SLC5A10: variants seen among roughly 807,000 people sequenced by gnomAD.
The protein encoded by SLC5A10 is sodium/mannose cotransporter SLC5A10.
In SLC5A10, 55 loss-of-function variants were observed where a neutral mutation model predicts 68.9. That is an observed-to-expected ratio of 0.80 (90% CI 0.64 to 1.00). The LOEUF is 1.00. SLC5A10 is among the 50% of genes least tolerant of loss of function. SLC5A10 has a pLI of 0.00. For synonymous variants in SLC5A10, 344 were observed against 344.8 expected, an observed-to-expected ratio of 1.00 and a Z score of 0.02; for missense variants, 732 against 819.3, an observed-to-expected ratio of 0.89 and a Z score of 1.30.
intron 2 of SLC5A10, 109 bp downstream of exon 2, chr17:18,958,862 A>C: frequency 7.6e-7 from 1 of 1,319,204 alleles, no homozygotes; most frequent in South Asian, 1.3e-5. Context: ...TCAGTGGAGC[A>C]GGCCGGAGGC....
At chr17:18,991,853 C>T (rs573471220) in intron 9 of SLC5A10, among the ~76,000 whole-genome samples, 2 of 152,298 alleles carry the variant, frequency 1.3e-5, no homozygotes, top group East Asian at 3.9e-4. Context: ...CTTGAGGCCT[C>T]GAAGATGCAG....
At chr17:18,952,716 C>T (rs183945298) in intron 1 of SLC5A10, among the ~76,000 whole-genome samples, 5 of 151,094 alleles carry the variant, frequency 3.3e-5, no homozygotes, top group African/African-American at 9.7e-5. Context: ...GATCAGAATC[C>T]GGAGGCAGGG....
chr17:18,975,062 A>G (rs1353922771), intron 8 of SLC5A10, among the ~76,000 whole-genome samples: 1 of 152,216 alleles, frequency 6.6e-6, no homozygotes, highest in Non-Finnish European at 1.5e-5. Flanking sequence ...TGACATGAGC[A>G]CAGATTGGAA....
In SLC5A10 at chr17:19,008,821, T is replaced by A. The variant is rs1211693471; in HGVS notation, c.983-4589T>A. ...GCATTATTATTATTATTATTTTTTT[T>A]TTTTTTTTTGAGATAGCGTCTTGCT... On this transcript the variant is annotated intron_variant, in intron 9 of 14. Transcript: ENST00000395645. Among the ~76,000 whole-genome samples the A allele has an allele frequency of 2.5e-3, 374 of 148,374 alleles. 1 individual carries two copies. Among genetic ancestry groups the A allele is most frequent in the African/African-American group, 9.1e-3 (362 of 39,770 alleles).
At chr17:18,991,107 A>G (rs973876429) in intron 9 of SLC5A10, among the ~76,000 whole-genome samples, 1 of 152,204 alleles carries the variant, frequency 6.6e-6, no homozygotes, top group African/African-American at 2.4e-5. Flanking sequence ...GCAGATAAAG[A>G]AACTGAAGCA....
At chr17:18,956,134 C>T (rs191947069) in intron 1 of SLC5A10, among the ~76,000 whole-genome samples, 5 of 151,976 alleles carry the variant, frequency 3.3e-5, no homozygotes, top group African/African-American at 4.8e-5. Flanking sequence ...GCAGAGGTTG[C>T]GGTGAGCCAA....
rs2043807160 is a variant in SLC5A10 at position 19,003,960 on chromosome 17, T to A, written c.983-9450T>A. ...TCCAGCGCCAGCCGCTGCTCCTCGC[T>A]GTAGAAGAACTCAGGCTTGGACTCG... On this transcript the variant is annotated intron_variant, in intron 9 of 14. Coordinates refer to ENST00000395645, the MANE Select transcript of SLC5A10 (RefSeq NM_001042450.4). This position sits in a 1 kb window ranked among gnomAD's most constrained non-coding sequence, Gnocchi z 4.5. The A allele has an allele frequency of 6.2e-7, 1 of 1,612,910 alleles. No homozygotes were observed. Among genetic ancestry groups the A allele is most frequent in the East Asian group, 2.2e-5 (1 of 44,858 alleles).
intron 9 of SLC5A10, among the ~76,000 whole-genome samples, chr17:19,008,810 A>T (rs1175716251): frequency 2.2e-5 from 3 of 134,996 alleles, no homozygotes; most frequent in Non-Finnish European, 3.1e-5. Flanking sequence ...TATTATTATT[A>T]TTATTTTTTT....
intron 9 of SLC5A10, among the ~76,000 whole-genome samples, chr17:18,995,178 A>G (rs1055733771): frequency 2.0e-5 from 3 of 152,250 alleles, no homozygotes; most frequent in Admixed American, 6.5e-5. Context: ...AAAAAAATCC[A>G]TCAAAATCAA....
chr17:18,982,877 C>T (rs563272205), intron 9 of SLC5A10, among the ~76,000 whole-genome samples: 11 of 152,342 alleles, frequency 7.2e-5, no homozygotes, highest in East Asian at 3.9e-4. Flanking sequence ...TTTCTTTCCA[C>T]GCCTCAGTTT....
intron 5 of SLC5A10, among the ~76,000 whole-genome samples, chr17:18,966,005 C>T (rs577845979): frequency 6.6e-6 from 1 of 152,198 alleles, no homozygotes; most frequent in Non-Finnish European, 1.5e-5. Flanking sequence ...ACCTGAAAGA[C>T]ATCAGGGCGC....
At position 18,969,234 on chromosome 17, in the gene SLC5A10, G is replaced by A. The variant is rs1053358933; in HGVS notation, c.559+77G>A. 6.1e-5 allele frequency: 97 copies of A among 1,579,146 alleles called. No homozygotes were observed. In the East Asian group the frequency reaches 1.8e-3, roughly 29 times the overall value. The stretch of plus-strand genomic sequence containing the variant: ...GAAGGCCACCTCCCCCTACAGGCCC[G>A]AGGGAGCAGCCCAGGAAGTGGCCCC... On this transcript the variant is annotated intron_variant, in intron 6 of 14. Transcript: ENST00000395645.
Position 18,976,897 on chromosome 17 carries a change from C to A in SLC5A10, c.890C>A (p.Ala297Asp), listed in dbSNP as rs754854911. Residue 297 changes from alanine (A) to aspartate (D), a missense_variant, in exon 9 of 15, where the codon GCC (alanine) becomes GAC (aspartate). Physicochemically the swap from Ala to Asp is moderately radical, Grantham distance 126. Transcript: ENST00000395645. ...RSLSARDLNH[A>D]KAGSILASYL... ...CTGTCAGCCCGGGACCTGAACCATGCCAAGGCGGGCTCCATCCTGGCCAGC... is the reference window on the plus strand; with the variant it reads ...CTGTCAGCCCGGGACCTGAACCATGACAAGGCGGGCTCCATCCTGGCCAGC... 14 of 1,613,618 alleles carry A rather than the reference C, an allele frequency of 8.7e-6. No homozygotes were observed. The highest frequency in any genetic ancestry group is 6.6e-5 in the South Asian group (6 of 91,070).
At chr17:18,952,462 G>A (rs978010842) in intron 1 of SLC5A10, 146 bp downstream of exon 1, 44 of 988,462 alleles carry the variant, frequency 4.5e-5, no homozygotes, top group Non-Finnish European at 5.7e-5. Context: ...CCCAGCCTGG[G>A]GTAGACTTGC....
chr17:18,979,579 T>A (rs2043076906), intron 9 of SLC5A10: 1 of 1,613,506 alleles, frequency 6.2e-7, no homozygotes, highest in East Asian at 2.2e-5. Flanking sequence ...CCGGTCTCCA[T>A]CCACAAACAT....
In SLC5A10 at chr17:18,969,126, G is replaced by C. The variant is rs144232155; in HGVS notation, c.528G>C (p.Thr176=). The C allele has an allele frequency of 1.2e-6, 2 of 1,613,972 alleles. No individual in the cohort carries two copies. Among genetic ancestry groups the C allele is most frequent in the African/African-American group, 1.3e-5 (1 of 74,916 alleles). Residue 176 remains threonine, a synonymous_variant, in exon 6 of 15, where the codon ACG becomes ACC. Coordinates refer to ENST00000395645, the MANE Select transcript of SLC5A10 (RefSeq NM_001042450.4). ...ACTTCTACCTCTCCACCATCCTCACGCTCGGCATCACAGCCCTGTACACCA... is the reference window on the plus strand; with the variant it reads ...ACTTCTACCTCTCCACCATCCTCACCCTCGGCATCACAGCCCTGTACACCA... ...GWNFYLSTIL[T]LGITALYTIA... is the part of the protein sequence containing the mutation.
At chr17:19,010,858 C>G (rs1411676289) in intron 9 of SLC5A10, among the ~76,000 whole-genome samples, 2 of 152,178 alleles carry the variant, frequency 1.3e-5, no homozygotes, top group African/African-American at 4.8e-5. Flanking sequence ...CAAGTTATGT[C>G]CTTTCTGGTC....
chr17:19,013,463 G>A lies in SLC5A10; in HGVS notation c.1036G>A (p.Val346Ile), dbSNP rs531864776. Residue 346 changes from valine (V) to isoleucine (I), a missense_variant, in exon 10 of 15, where the codon GTC becomes ATC. Val to Ile is a conservative substitution (Grantham distance 29, BLOSUM62 3). Coordinates refer to ENST00000395645, the MANE Select transcript of SLC5A10 (RefSeq NM_001042450.4). ...SECLRACGAE[V>I]GCSNIAYPKL... Reference sequence around the variant, plus strand: ...GTGCCTGCGGGCCTGCGGGGCCGAGGTCGGCTGCTCCAACATCGCCTACCC... The same window carrying A: ...GTGCCTGCGGGCCTGCGGGGCCGAGATCGGCTGCTCCAACATCGCCTACCC... 4 of 1,604,700 alleles carry A rather than the reference G, an allele frequency of 2.5e-6. No individual in the cohort carries two copies. The Admixed American group carries it at 6.8e-5, about 27-fold the overall frequency.
rs1033292185 is a variant in SLC5A10 at position 18,958,721 on chromosome 17, T to C, written c.151T>C (p.Phe51Leu). ...CAGTAGGAACACGGTGAATGGCTAC[T>C]TCCTGGCAGGCCGGGACATGACGTG... is the stretch of plus-strand genomic sequence containing the variant. ...RASRNTVNGY[F>L]LAGRDMTWWP... Residue 51 changes from phenylalanine to leucine, a missense_variant, in exon 2 of 15, where the codon TTC (phenylalanine) becomes CTC (leucine). By Grantham distance (22) the Phe-to-Leu change is conservative (BLOSUM62 0). Transcript: ENST00000395645. 10 of 1,614,246 alleles carry C rather than the reference T, an allele frequency of 6.2e-6. No homozygotes were observed. Among genetic ancestry groups the C allele is most frequent in the East Asian group, 2.2e-5 (1 of 44,882 alleles).
Sources: gnomAD v4.1 joint callset for allele counts (sites outside exome capture counted in the v4.1 genomes callset) on GRCh38, gnomAD v4.1.1 for gene constraint, Gnocchi (gnomAD v3.1) non-coding constraint, MANE v1.5 for transcripts, NCBI Gene and HGNC (gene_info 2026-07-23, HGNC 2026-07-21) for gene names.